CLEC16A: variants seen among roughly 807,000 people sequenced by gnomAD.
CLEC16A encodes the protein protein CLEC16A.
CLEC16A carries 51 observed loss-of-function variants against 109.5 expected under a neutral mutation model. The observed-to-expected ratio is 0.47, with a 90% confidence interval of 0.37 to 0.59. The LOEUF is 0.59. CLEC16A is among the 20% of genes least tolerant of loss of function. The pLI is 0.00. For synonymous variants in CLEC16A, 673 were observed against 564.2 expected (o/e 1.19, Z -2.73); for missense variants, 1,339 against 1,394.0 (o/e 0.96, Z 0.63).
intron 13 of CLEC16A, among the ~76,000 whole-genome samples, chr16:11,032,241 C>T (rs890235012): frequency 3.3e-5 from 5 of 152,188 alleles, no homozygotes; most frequent in Middle Eastern, 3.2e-3. Flanking sequence ...TCCGAGGCAG[C>T]GGGTGCCCCA....
At chr16:11,166,857 C>T (rs1323501783) in intron 23 of CLEC16A, among the ~76,000 whole-genome samples, 2 of 152,206 alleles carry the variant, frequency 1.3e-5, no homozygotes, top group Non-Finnish European at 2.9e-5. Flanking sequence ...TCATCACCTC[C>T]ACAGTCTTAG....
chr16:10,968,791 G>T (rs1271485947), intron 3 of CLEC16A, among the ~76,000 whole-genome samples: 1 of 152,096 alleles, frequency 6.6e-6, no homozygotes, highest in Admixed American at 6.6e-5. Context: ...GGCAGAAGGG[G>T]GCAGCTTTTT....
chr16:10,978,610 A>G (rs2043148901), intron 8 of CLEC16A, among the ~76,000 whole-genome samples: 1 of 152,196 alleles, frequency 6.6e-6, no homozygotes, highest in Non-Finnish European at 1.5e-5. Flanking sequence ...CTCCTTTCAA[A>G]GCACGCTGCT....
chr16:11,040,851 A>C (rs181949964), intron 14 of CLEC16A: 6 of 151,888 alleles, frequency 4.0e-5, no homozygotes, highest in African/African-American at 1.5e-4. Flanking sequence ...TTTCTCACTT[A>C]TTTTCACCTG....
At chr16:11,076,089 CTG>C (rs1192000045) in intron 19 of CLEC16A, among the ~76,000 whole-genome samples, 1 of 150,542 alleles carries the variant, frequency 6.6e-6, no homozygotes. Context: ...TTCTAGAAAA[CTG>C]GGACTAGGGG....
intron 1 of CLEC16A, among the ~76,000 whole-genome samples, chr16:10,948,946 C>G (rs982736139): frequency 1.3e-5 from 2 of 152,136 alleles, no homozygotes; most frequent in Admixed American, 1.3e-4. Flanking sequence ...TATCCCTGGA[C>G]CAGCAAGGTC....
chr16:11,012,396 C>T (rs973446674), intron 11 of CLEC16A, among the ~76,000 whole-genome samples: 10 of 152,048 alleles, frequency 6.6e-5, no homozygotes, highest in African/African-American at 1.2e-4. Context: ...GAGATCGAGA[C>T]GATCCTGGCT....
chr16:11,002,918 TAG>T (rs1422329795), intron 10 of CLEC16A, among the ~76,000 whole-genome samples, 154 bp from the exon 11 acceptor site: 1 of 152,086 alleles, frequency 6.6e-6, no homozygotes, highest in African/African-American at 2.4e-5. Context: ...CTATTGTGAA[TAG>T]TCCCGCAGTA....
In CLEC16A at chr16:11,179,061, G is replaced by T; in HGVS notation, c.*371G>T. On this transcript the variant is annotated 3_prime_UTR_variant, in exon 24 of 24. Coordinates refer to ENST00000409790, the MANE Select transcript of CLEC16A (RefSeq NM_015226.3). The stretch of plus-strand genomic sequence containing the variant: ...GTCACCAGCCCCAGTGTGCACAGAA[G>T]AATTGGACCAGGTCACTGTACGTAG... 1 of 228,560 alleles carries T rather than the reference G, an allele frequency of 4.4e-6. No individual in the cohort carries two copies. Among genetic ancestry groups the T allele is most frequent in the African/African-American group, 2.2e-5 (1 of 44,484 alleles). 14.2% of individuals were successfully genotyped at this position (228,560 alleles called of 1,614,324 possible). A position where few individuals can be genotyped will look rare whatever the true frequency, so the allele number is the denominator to read the frequency against.
chr16:11,148,576 TA>T (rs2054164134), intron 22 of CLEC16A, among the ~76,000 whole-genome samples: 2 of 152,194 alleles, frequency 1.3e-5, no homozygotes, highest in African/African-American at 2.4e-5. Flanking sequence ...CAATTTCCAT[TA>T]CACAGCCAGT....
Position 11,018,748 on chromosome 16 carries a change from C to CAA in CLEC16A, c.1304-1429_1304-1428dup, listed in dbSNP as rs56911220. Among the ~76,000 whole-genome samples, 6 of 96,270 alleles carry CAA rather than the reference C, an allele frequency of 6.2e-5. No homozygotes were observed. In the East Asian group the frequency reaches 9.0e-4, roughly 14 times the overall value. The allele number at this position is 96,270 out of a possible 152,430, so 63.2% of individuals were successfully genotyped here. A position where few individuals can be genotyped will look rare whatever the true frequency, so the allele number is the denominator to read the frequency against. On this transcript the variant is annotated intron_variant, in intron 11 of 23. Coordinates refer to ENST00000409790, the MANE Select transcript of CLEC16A (RefSeq NM_015226.3). The stretch of plus-strand genomic sequence containing the variant: ...TGGGCGACAGAGCGAGACTCCATCT[C>CAA]AAAAAAAAAAAAAAAAATGGAGACA...
intron 1 of CLEC16A, among the ~76,000 whole-genome samples, chr16:10,950,286 A>G (rs1195707228): frequency 6.6e-6 from 1 of 152,208 alleles, no homozygotes; most frequent in Non-Finnish European, 1.5e-5. Context: ...TCAGCTGGGT[A>G]CTGGTATGCC....
chr16:11,050,558 C>A (rs1184044425), intron 17 of CLEC16A, among the ~76,000 whole-genome samples: 1 of 152,226 alleles, frequency 6.6e-6, no homozygotes, highest in African/African-American at 2.4e-5. Context: ...TGTTAGTGTT[C>A]AACAACACGT....
intron 20 of CLEC16A, among the ~76,000 whole-genome samples, chr16:11,121,918 G>A (rs118062943): frequency 6.9e-6 from 1 of 144,928 alleles, no homozygotes; most frequent in East Asian, 2.0e-4. Context: ...GTTTGTCAAC[G>A]TGATAGATAA....
At chr16:11,120,821 C>CAT in intron 20 of CLEC16A, 55 bp downstream of exon 20, 1 of 1,230,468 alleles carries the variant, frequency 8.1e-7, no homozygotes, top group South Asian at 2.1e-5. Flanking sequence ...AACACACACA[C>CAT]ACACACACAC....
intron 23 of CLEC16A, among the ~76,000 whole-genome samples, chr16:11,177,136 A>G (rs2068781525): frequency 6.6e-6 from 1 of 152,170 alleles, no homozygotes; most frequent in African/African-American, 2.4e-5. Context: ...CTCTGTGCAA[A>G]TGAGAATTTG....
rs1266445826 is a variant in CLEC16A at position 11,042,285 on chromosome 16, G to A, written c.1692G>A (p.Leu564=). ...AGATCCGGCTGGCGACGCTGGAGCTGAGCTGCCTGCTTCTGAAGCAGCAAG... is the reference window on the plus strand; with the variant it reads ...AGATCCGGCTGGCGACGCTGGAGCTAAGCTGCCTGCTTCTGAAGCAGCAAG... ...DGKIRLATLE[L]SCLLLKQQVL... is the part of the protein sequence containing the mutation. Residue 564 remains leucine, a synonymous_variant, in exon 15 of 24, where the codon CTG becomes CTA. Transcript: ENST00000409790. 6.3e-7 allele frequency: 1 copy of A among 1,588,942 alleles called. No homozygotes were observed.
chr16:11,085,396 G>A (rs2049957111), intron 19 of CLEC16A, among the ~76,000 whole-genome samples: 2 of 152,394 alleles, frequency 1.3e-5, no homozygotes, highest in Admixed American at 6.5e-5. Flanking sequence ...AGGTGCTGGG[G>A]CAGCACGCTG....
chr16:11,005,196 T>A (rs1309444024), intron 11 of CLEC16A, among the ~76,000 whole-genome samples: 2 of 152,176 alleles, frequency 1.3e-5, no homozygotes, highest in Admixed American at 6.5e-5. Context: ...AAAATCACAA[T>A]CAAATTAGTC....
Sources: gnomAD v4.1 joint callset for allele counts (sites outside exome capture counted in the v4.1 genomes callset) on GRCh38, gnomAD v4.1.1 for gene constraint, MANE v1.5 for transcripts, NCBI Gene and HGNC (gene_info 2026-07-23, HGNC 2026-07-21) for gene names.